KLF12: variants seen among roughly 807,000 people sequenced by gnomAD.
KLF12 encodes the protein Krueppel-like factor 12.
A neutral mutation model predicts 37.8 loss-of-function variants in KLF12; 9 were observed. The ratio of observed to expected loss-of-function variants is 0.24; its 90% CI spans 0.14 to 0.42. KLF12 has a LOEUF of 0.42. KLF12 is among the 10% of genes least tolerant of loss of function. The probability of loss-of-function intolerance (pLI) is 1.00; values close to 1 mark genes in which losing one functional copy is unlikely to be tolerated. For synonymous variants in KLF12, 208 were observed against 202.1 expected (o/e 1.03, Z -0.25); for missense variants, 411 against 516.0 (o/e 0.80, Z 1.97).
chr13:74,281,834 C>A, the KLF12 span, among the ~76,000 whole-genome samples: 6 of 152,256 alleles, frequency 3.9e-5, no homozygotes, highest in Middle Eastern at 6.8e-3. Flanking sequence ...TAAATGGAAA[C>A]TGTGTTGACA....
At chr13:73,806,923 G>A (rs1052116312) in intron 5 of KLF12, among the ~76,000 whole-genome samples, 3 of 151,946 alleles carry the variant, frequency 2.0e-5, no homozygotes, top group Non-Finnish European at 4.4e-5. Flanking sequence ...AAAACAGGAG[G>A]GGTGCAAGGA....
At chr13:74,133,201 C>T (rs2139038328) in intron 1 of KLF12, among the ~76,000 whole-genome samples, 1 of 152,242 alleles carries the variant, frequency 6.6e-6, no homozygotes. Context: ...GTGTCATCTC[C>T]GCCTTAACCC....
chr13:74,142,682 T>C, the KLF12 span, among the ~76,000 whole-genome samples: 1 of 152,078 alleles, frequency 6.6e-6, no homozygotes, highest in Non-Finnish European at 1.5e-5. Context: ...GAAAGTAACT[T>C]CCAAAAGGCC....
upstream of KLF12, among the ~76,000 whole-genome samples, chr13:74,135,674 C>A (rs1463065107): frequency 2.6e-5 from 4 of 151,994 alleles, no homozygotes; most frequent in East Asian, 7.8e-4. Context: ...CGCGGCGCTC[C>A]GGGCACGACA....
chr13:73,783,074 G>A (rs1594086045), intron 5 of KLF12, among the ~76,000 whole-genome samples: 1 of 152,254 alleles, frequency 6.6e-6, no homozygotes, highest in Non-Finnish European at 1.5e-5. Flanking sequence ...ACAAATCATG[G>A]ATGGATTACA....
chr13:73,758,767 T>A (rs1879354938), intron 6 of KLF12, among the ~76,000 whole-genome samples: 1 of 152,168 alleles, frequency 6.6e-6, no homozygotes, highest in South Asian at 2.1e-4. Context: ...TTTTCCCTTA[T>A]ATCATCTTTA....
the KLF12 span, among the ~76,000 whole-genome samples, chr13:74,190,968 C>T: frequency 6.6e-6 from 1 of 152,150 alleles, no homozygotes; most frequent in South Asian, 2.1e-4. Flanking sequence ...GTTCTTGGGA[C>T]CTGCAGTTAC....
chr13:74,189,203 T>C, the KLF12 span, among the ~76,000 whole-genome samples: 1 of 152,180 alleles, frequency 6.6e-6, no homozygotes, highest in Non-Finnish European at 1.5e-5. Context: ...GGAAAAAATG[T>C]TTGCTAACCT....
At chr13:73,980,788 G>GA (rs1891670636) in intron 2 of KLF12, among the ~76,000 whole-genome samples, 1 of 152,166 alleles carries the variant, frequency 6.6e-6, no homozygotes, top group South Asian at 2.1e-4. Flanking sequence ...ACACCAGATT[G>GA]AAAAATCTTC....
intron 5 of KLF12, among the ~76,000 whole-genome samples, chr13:73,789,784 C>A (rs1336115718): frequency 6.6e-6 from 1 of 151,828 alleles, no homozygotes; most frequent in South Asian, 2.1e-4. Context: ...TCACGCCATT[C>A]TCCTGCCTCA....
chr13:74,180,391 G>C, the KLF12 span, among the ~76,000 whole-genome samples: 116 of 152,184 alleles, frequency 7.6e-4, 1 homozygote, highest in African/African-American at 2.4e-3. Flanking sequence ...CTAAATAAAG[G>C]CTCAGAAATT....
intron 6 of KLF12, among the ~76,000 whole-genome samples, chr13:73,751,859 T>C (rs1273658918): frequency 2.6e-5 from 4 of 152,136 alleles, no homozygotes; most frequent in Non-Finnish European, 4.4e-5. Flanking sequence ...CATTTTACAA[T>C]GGGCTGCTGA....
chr13:73,749,823 A>C (rs74094092), intron 6 of KLF12, among the ~76,000 whole-genome samples: 3,394 of 152,310 alleles, frequency 0.022, 45 homozygotes, highest in African/African-American at 0.043. Flanking sequence ...CATGAATAAA[A>C]GTGGTTATAT....
At chr13:74,008,297 C>T (rs1410198599) in intron 1 of KLF12, among the ~76,000 whole-genome samples, 1 of 152,120 alleles carries the variant, frequency 6.6e-6, no homozygotes, top group Non-Finnish European at 1.5e-5. Flanking sequence ...AATCAGCTAC[C>T]ACCAAGGACC....
At chr13:74,021,360 A>G (rs1203402095) in intron 1 of KLF12, among the ~76,000 whole-genome samples, 3 of 152,186 alleles carry the variant, frequency 2.0e-5, no homozygotes, top group African/African-American at 7.2e-5. Context: ...CTAGGGCAGT[A>G]AGGGTCCTGG....
chr13:74,060,704 C>T (rs1300201025), intron 1 of KLF12, among the ~76,000 whole-genome samples: 1 of 152,086 alleles, frequency 6.6e-6, no homozygotes, highest in Non-Finnish European at 1.5e-5. Flanking sequence ...TAAGATCATG[C>T]CATCAGTGAA....
chr13:73,888,333 T>C (rs1306159376), intron 3 of KLF12, among the ~76,000 whole-genome samples: 2 of 152,120 alleles, frequency 1.3e-5, no homozygotes, highest in Non-Finnish European at 2.9e-5. Context: ...TAAACAAAAA[T>C]ACTTCAGACT....
intron 1 of KLF12, among the ~76,000 whole-genome samples, chr13:74,020,422 C>T (rs940193883): frequency 6.6e-6 from 1 of 151,994 alleles, no homozygotes; most frequent in African/African-American, 2.4e-5. Flanking sequence ...GGTCTTAGCA[C>T]GAATAGGAAG....
chr13:74,167,606 T>G, the KLF12 span, among the ~76,000 whole-genome samples: 23 of 152,362 alleles, frequency 1.5e-4, no homozygotes, highest in African/African-American at 5.5e-4. Flanking sequence ...AATTTGGTAC[T>G]GAAATGAATC....
Sources: gnomAD v4.1 joint callset for allele counts (sites outside exome capture counted in the v4.1 genomes callset) on GRCh38, gnomAD v4.1.1 for gene constraint, MANE v1.5 for transcripts, NCBI Gene and HGNC (gene_info 2026-07-23, HGNC 2026-07-21) for gene names.